FHAD1: variants seen among roughly 807,000 people sequenced by gnomAD.
The protein encoded by FHAD1 is forkhead-associated domain-containing protein 1.
FHAD1 carries 146 observed loss-of-function variants against 191.3 expected under a neutral mutation model. The observed-to-expected ratio is 0.76, with a 90% CI of 0.67 to 0.88. The LOEUF is 0.88. Ranked by LOEUF, FHAD1 falls within the 40% of genes least tolerant of loss-of-function variation. The pLI is 0.00. For missense variants in FHAD1, 1,635 were observed against 1,785.8 expected, an observed-to-expected ratio of 0.92 and a Z score of 1.52; for synonymous variants, 616 against 672.3, an observed-to-expected ratio of 0.92 and a Z score of 1.29.
chr1:15,345,367 G>T, intron 17 of FHAD1, 49 bp from the exon 18 acceptor site: 1 of 1,518,614 alleles, frequency 6.6e-7, no homozygotes, highest in Admixed American at 2.0e-5. Flanking sequence ...GCAGAGTCCA[G>T]TTTCCTCCCA....
chr1:15,322,782 G>A (rs1676750752), intron 10 of FHAD1, among the ~76,000 whole-genome samples: 2 of 152,162 alleles, frequency 1.3e-5, no homozygotes, highest in African/African-American at 2.4e-5. Context: ...TAAATTAGAG[G>A]CAAGGAGGCG....
At chr1:15,246,648 G>A (rs1646076402), upstream of FHAD1, among the ~76,000 whole-genome samples, 1 of 152,138 alleles carries the variant, frequency 6.6e-6, no homozygotes, top group African/African-American at 2.4e-5. Context: ...ATAGAGAAAG[G>A]GCAAAAGAAT....
chr1:15,336,090 A>T (rs184267449), intron 14 of FHAD1, among the ~76,000 whole-genome samples: 11 of 152,236 alleles, frequency 7.2e-5, no homozygotes, highest in African/African-American at 2.4e-4. Flanking sequence ...GCACCAACCC[A>T]ACCCTGTACT....
Position 15,339,481 on chromosome 1 carries a change from G to A in FHAD1, c.1907G>A (p.Gly636Glu). Residue 636 changes from glycine to glutamate, a missense_variant and splice_region_variant, in exon 15 of 34, where the codon GGG (glycine) becomes GAG (glutamate). By Grantham distance (98) the Gly-to-Glu change is moderately conservative. Transcript: ENST00000688493. ...TTCTTCCTGCTTCTCTTTTTTTAAG[G>A]GTTCTCTTTGTATCTGATATATCTT... is the stretch of plus-strand genomic sequence containing the variant. ...LGILPSSPNK[G>E]FSLYLIYLLE... 1 of 1,253,036 alleles carries A rather than the reference G, an allele frequency of 8.0e-7. No individual in the cohort carries two copies. Among genetic ancestry groups the A allele is most frequent in the Non-Finnish European group, 1.0e-6 (1 of 955,620 alleles). The allele number at this position is 1,253,036 out of a possible 1,614,324, so 77.6% of individuals were successfully genotyped here.
At chr1:15,237,614 T>C (rs1168032048) in intron 1 of FHAD1, among the ~76,000 whole-genome samples, 2 of 152,168 alleles carry the variant, frequency 1.3e-5, no homozygotes, top group Non-Finnish European at 2.9e-5. Flanking sequence ...GTCCCCCTTG[T>C]TTCTTGACAA....
At chr1:15,246,241 C>A (rs1172003979), upstream of FHAD1, among the ~76,000 whole-genome samples, 1 of 152,136 alleles carries the variant, frequency 6.6e-6, no homozygotes, top group African/African-American at 2.4e-5. Context: ...GAAGTCTGCC[C>A]CCATGATTCA....
At chr1:15,247,203 A>C (rs1406881855), upstream of FHAD1, 3 of 162,036 alleles carry the variant, frequency 1.9e-5, no homozygotes, top group Non-Finnish European at 2.7e-5. Flanking sequence ...ATTAGGCTGG[A>C]CCCCGCGGCG....
intron 1 of FHAD1, among the ~76,000 whole-genome samples, chr1:15,250,465 A>G (rs1646638737): frequency 6.6e-6 from 1 of 152,342 alleles, no homozygotes; most frequent in East Asian, 1.9e-4. Context: ...ATAGGAGCTC[A>G]TTATCTGCTT....
Position 15,328,381 on chromosome 1 carries a change from G to A in FHAD1, c.1662G>A (p.Glu554=), listed in dbSNP as rs1399857670. ...ETQLSNSKQE[E]TTENIEKLRT... Reference sequence around the variant, plus strand: ...AGCTGAGCAACTCCAAGCAGGAGGAGACCACCGAGAACATCGAGAAGCTGA... The same window carrying A: ...AGCTGAGCAACTCCAAGCAGGAGGAAACCACCGAGAACATCGAGAAGCTGA... The change falls in exon 13 of 34, where the codon GAG becomes GAA. Residue 554 remains glutamate (E), a synonymous_variant. Coordinates refer to ENST00000688493, the MANE Select transcript of FHAD1 (RefSeq NM_001391957.1). The A allele has an allele frequency of 6.5e-7, 1 of 1,546,302 alleles. No individual in the cohort carries two copies. The highest frequency in any genetic ancestry group is 8.7e-7 in the Non-Finnish European group (1 of 1,145,094).
chr1:15,320,438 G>A (rs1174046627), intron 10 of FHAD1, among the ~76,000 whole-genome samples: 1 of 152,160 alleles, frequency 6.6e-6, no homozygotes, highest in Admixed American at 6.5e-5. Context: ...GCCACTGAGA[G>A]AGGCATATTG....
upstream of FHAD1, among the ~76,000 whole-genome samples, chr1:15,245,311 T>C (rs1645877374): frequency 1.3e-5 from 2 of 152,214 alleles, no homozygotes; most frequent in South Asian, 4.1e-4. Flanking sequence ...GATGTGCTTT[T>C]GTTGTTCTTA....
intron 5 of FHAD1, among the ~76,000 whole-genome samples, chr1:15,299,299 G>A (rs1668001725): frequency 6.6e-6 from 1 of 151,248 alleles, no homozygotes; most frequent in Non-Finnish European, 1.5e-5. Context: ...CTTCAGGCAT[G>A]ACTGGATCCA....
intron 3 of FHAD1, among the ~76,000 whole-genome samples, 169 bp downstream of exon 3, chr1:15,272,698 G>A (rs915253776): frequency 1.3e-5 from 2 of 152,184 alleles, no homozygotes; most frequent in South Asian, 4.1e-4. Context: ...TCATTCTGGC[G>A]GGTCCCAGGA....
At chr1:15,349,226 G>A (rs746212344) in intron 19 of FHAD1, 77 bp downstream of exon 19, 364 of 1,155,356 alleles carry the variant, frequency 3.2e-4, no homozygotes, top group Non-Finnish European at 3.6e-4. Flanking sequence ...GTGGGAAATC[G>A]GGCAGATATC....
At chr1:15,283,482 A>G (rs920703055) in intron 3 of FHAD1, among the ~76,000 whole-genome samples, 22 of 152,226 alleles carry the variant, frequency 1.4e-4, no homozygotes, top group Non-Finnish European at 2.5e-4. Context: ...AAATATAGTA[A>G]AATAATTAGG....
At chr1:15,310,821 T>C (rs573846071) in intron 7 of FHAD1, among the ~76,000 whole-genome samples, 1 of 152,040 alleles carries the variant, frequency 6.6e-6, no homozygotes, top group African/African-American at 2.4e-5. Context: ...CCATCATGGG[T>C]CAGTAGGGGC....
chr1:15,301,488 G>C lies in FHAD1; in HGVS notation c.915+47G>C, dbSNP rs1188694089. ...CAGCACAGCTCTCAGGCCAAGGCCCGGGAGGCCCCAGGACCACCAACCAAG... is the reference window on the plus strand; with the variant it reads ...CAGCACAGCTCTCAGGCCAAGGCCCCGGAGGCCCCAGGACCACCAACCAAG... On this transcript the variant is annotated intron_variant, in intron 6 of 33. Transcript: ENST00000688493. The C allele has an allele frequency of 1.1e-5, 17 of 1,524,616 alleles. 1 individual carries two copies. In the East Asian group the frequency reaches 3.9e-4, roughly 35 times the overall value. The allele number at this position is 1,524,616 out of a possible 1,614,324, so 94.4% of individuals were successfully genotyped here.
intron 21 of FHAD1, among the ~76,000 whole-genome samples, chr1:15,359,368 C>A (rs1314713403): frequency 1.3e-5 from 2 of 151,984 alleles, no homozygotes; most frequent in African/African-American, 4.8e-5. Context: ...ATGGGTAGAT[C>A]AGAGGCCAAG....
chr1:15,395,307 CAAAA>C (rs34527814), intron 33 of FHAD1, among the ~76,000 whole-genome samples: 2 of 101,432 alleles, frequency 2.0e-5, no homozygotes, highest in African/African-American at 3.4e-5. Flanking sequence ...GACTCCATCT[CAAAA>C]AAAAAAAAAA....
Sources: allele counts gnomAD v4.1 joint callset (sites outside exome capture counted in the v4.1 genomes callset), GRCh38; gene constraint gnomAD v4.1.1; transcripts MANE v1.5; gene names NCBI Gene and HGNC (gene_info 2026-07-23, HGNC 2026-07-21).